KCNQ3: variants seen among roughly 807,000 people sequenced by gnomAD.
KCNQ3 encodes potassium voltage-gated channel subfamily Q member 3.
A neutral mutation model predicts 92.5 loss-of-function variants in KCNQ3; 30 were observed. The observed-to-expected ratio is 0.32, with a 90% CI of 0.24 to 0.44. The LOEUF (loss-of-function observed/expected upper bound fraction) is 0.44. Ranked by LOEUF, KCNQ3 falls within the 20% of genes least tolerant of loss-of-function variation. The probability of loss-of-function intolerance (pLI) is 1.00; values close to 1 mark genes in which losing one functional copy is unlikely to be tolerated. For missense variants in KCNQ3, 913 were observed against 1,140.3 expected, an observed-to-expected ratio of 0.80 and a Z score of 2.87; for synonymous variants, 450 against 468.8, an observed-to-expected ratio of 0.96 and a Z score of 0.52.
intron 1 of KCNQ3, among the ~76,000 whole-genome samples, chr8:132,305,982 T>A (rs1341174435): frequency 1.3e-5 from 2 of 152,154 alleles, no homozygotes; most frequent in Admixed American, 1.3e-4. Flanking sequence ...AGCAGTGTGC[T>A]AAGCTCCCTT....
At chr8:132,414,210 G>C (rs900798299) in intron 1 of KCNQ3, among the ~76,000 whole-genome samples, 1 of 152,144 alleles carries the variant, frequency 6.6e-6, no homozygotes, top group Non-Finnish European at 1.5e-5. Flanking sequence ...CATCACAGAG[G>C]GGGAAGGTCA....
In KCNQ3 at chr8:132,255,925, A is replaced by AATGAGCT. The variant is rs1815569544; in HGVS notation, c.387-69751_387-69745dup. On this transcript the variant is annotated intron_variant, in intron 1 of 14. Coordinates refer to ENST00000388996, the MANE Select transcript of KCNQ3 (RefSeq NM_004519.4). ...ATTTAAAATGTCCAGTTTCAAAAACAATGAGCTATGCAAAGAACAAAATGT... is the reference window on the plus strand; with the variant it reads ...ATTTAAAATGTCCAGTTTCAAAAACAATGAGCTATGAGCTATGCAAAGAACAAAATGT... Among the ~76,000 whole-genome samples, 6 of 152,352 alleles carry AATGAGCT rather than the reference A, an allele frequency of 3.9e-5. No homozygotes were observed. In the South Asian group the frequency reaches 1.2e-3, roughly 32 times the overall value.
At chr8:132,368,431 T>C (rs1364873146) in intron 1 of KCNQ3, among the ~76,000 whole-genome samples, 1 of 152,064 alleles carries the variant, frequency 6.6e-6, no homozygotes, top group Non-Finnish European at 1.5e-5. Context: ...GGCAGGAGGA[T>C]CACTTGAGTC....
chr8:132,189,507 A>T (rs1827092056), intron 1 of KCNQ3, among the ~76,000 whole-genome samples: 1 of 152,162 alleles, frequency 6.6e-6, no homozygotes, highest in South Asian at 2.1e-4. Flanking sequence ...AAAACATGAG[A>T]CTGCTAAACT....
At chr8:132,234,108 GTT>G (rs926309255) in intron 1 of KCNQ3, among the ~76,000 whole-genome samples, 4 of 152,080 alleles carry the variant, frequency 2.6e-5, no homozygotes, top group Admixed American at 1.3e-4. Flanking sequence ...TATGTCTGTA[GTT>G]TTTTTGCAAT....
At chr8:132,182,795 GAA>G (rs1263765266) in intron 3 of KCNQ3, among the ~76,000 whole-genome samples, 19 of 151,914 alleles carry the variant, frequency 1.3e-4, no homozygotes, top group African/African-American at 4.6e-4. Flanking sequence ...AGGAAAGAAA[GAA>G]AAGCGGGGAT....
intron 1 of KCNQ3, among the ~76,000 whole-genome samples, chr8:132,427,764 C>T (rs987444388): frequency 2.6e-5 from 4 of 152,150 alleles, no homozygotes; most frequent in African/African-American, 9.7e-5. Flanking sequence ...GGGGGTAAAG[C>T]CACAACCTCT....
At chr8:132,280,234 A>G (rs1285670940) in intron 1 of KCNQ3, among the ~76,000 whole-genome samples, 2 of 152,212 alleles carry the variant, frequency 1.3e-5, no homozygotes, top group East Asian at 1.9e-4. Context: ...TTGGGTGGTT[A>G]TATTAGTCCA....
At chr8:132,269,384 TAA>T (rs1339202570) in intron 1 of KCNQ3, among the ~76,000 whole-genome samples, 2 of 152,222 alleles carry the variant, frequency 1.3e-5, no homozygotes, top group Non-Finnish European at 2.9e-5. Flanking sequence ...GTGAAGAGCA[TAA>T]AGTCTGTGTC....
chr8:132,426,916 C>T (rs560588951), intron 1 of KCNQ3, among the ~76,000 whole-genome samples: 1 of 152,214 alleles, frequency 6.6e-6, no homozygotes, highest in East Asian at 1.9e-4. Flanking sequence ...AGGCTAGATC[C>T]CTTCTAACTC....
chr8:132,433,974 C>T (rs556727683), intron 1 of KCNQ3, among the ~76,000 whole-genome samples: 46 of 152,048 alleles, frequency 3.0e-4, no homozygotes, highest in African/African-American at 1.1e-3. Flanking sequence ...TTTGGGAGGC[C>T]GAGGCGGGCG....
chr8:132,365,732 T>C (rs1819303144), intron 1 of KCNQ3, among the ~76,000 whole-genome samples: 1 of 152,198 alleles, frequency 6.6e-6, no homozygotes. Context: ...TTGTATAGTT[T>C]AAAAAGTACC....
chr8:132,469,188 T>C (rs1009685931), intron 1 of KCNQ3, among the ~76,000 whole-genome samples: 7 of 152,152 alleles, frequency 4.6e-5, no homozygotes, highest in African/African-American at 1.4e-4. Flanking sequence ...AGGTATACGG[T>C]TAATAGATGC....
intron 1 of KCNQ3, among the ~76,000 whole-genome samples, chr8:132,227,957 T>G (rs1327308689): frequency 1.3e-5 from 2 of 151,560 alleles, no homozygotes; most frequent in Non-Finnish European, 2.9e-5. Flanking sequence ...CTCAAAGAAG[T>G]GAAGAAACAC....
intron 14 of KCNQ3, among the ~76,000 whole-genome samples, chr8:132,131,889 A>C (rs1043679232): frequency 2.6e-5 from 4 of 152,104 alleles, no homozygotes; most frequent in Non-Finnish European, 5.9e-5. Context: ...GGAGTTCGAG[A>C]CCAGCCTGGC....
rs141111855 is a variant in KCNQ3, at chr8:132,407,388, C to T, written c.386+72759G>A. Among the ~76,000 whole-genome samples the T allele has an allele frequency of 4.4e-3, 676 of 152,350 alleles. 3 individuals carry two copies. The highest frequency in any genetic ancestry group is 0.015 in the African/African-American group (631 of 41,590). ...AAAGTGATTGATTTTTCTCTCCACC[C>T]TGGAAAGTAGGGGCTTACAGCCAGA... On this transcript the variant is annotated intron_variant, in intron 1 of 14. Coordinates refer to ENST00000388996, the MANE Select transcript of KCNQ3 (RefSeq NM_004519.4).
intron 1 of KCNQ3, among the ~76,000 whole-genome samples, chr8:132,431,341 G>C (rs1015529619): frequency 6.6e-6 from 1 of 152,210 alleles, no homozygotes; most frequent in Non-Finnish European, 1.5e-5. Flanking sequence ...GATGGTAAGA[G>C]TGAGTCTTTC....
chr8:132,178,702 G>T (rs909887610), intron 4 of KCNQ3, among the ~76,000 whole-genome samples: 1 of 151,958 alleles, frequency 6.6e-6, no homozygotes, highest in South Asian at 2.1e-4. Context: ...CCCCTTCAAC[G>T]TATCTAGGTG....
At chr8:132,347,477 G>T (rs773798496) in intron 1 of KCNQ3, among the ~76,000 whole-genome samples, 2 of 152,150 alleles carry the variant, frequency 1.3e-5, no homozygotes, top group Non-Finnish European at 2.9e-5. Flanking sequence ...TTGCTAGCGG[G>T]GGAGGGAGTA....
Sources: gnomAD v4.1 joint callset for allele counts (sites outside exome capture counted in the v4.1 genomes callset) on GRCh38, gnomAD v4.1.1 for gene constraint, MANE v1.5 for transcripts, NCBI Gene and HGNC (gene_info 2026-07-23, HGNC 2026-07-21) for gene names.